Variants in DIP2C observed in about 807,000 individuals in gnomAD.
DIP2C encodes DIP2 acetate--CoA ligase C (putative), also known as disco-interacting protein 2 homolog C.
DIP2C carries 33 observed loss-of-function variants against 192.4 expected under a neutral mutation model. That is an observed-to-expected ratio of 0.17 (90% CI 0.13 to 0.23). DIP2C has a LOEUF of 0.23. Among genes scored for constraint, DIP2C ranks in the 10% least tolerant of loss-of-function variants. DIP2C has a pLI of 1.00. For missense variants in DIP2C, 1,537 were observed against 2,110.1 expected (o/e 0.73, Z 5.32); for synonymous variants, 979 against 864.1 (o/e 1.13, Z -2.33).
chr10:417,578 C>CAG (rs1965727352), intron 6 of DIP2C, among the ~76,000 whole-genome samples: 1 of 152,000 alleles, frequency 6.6e-6, no homozygotes, highest in Non-Finnish European at 1.5e-5. Context: ...GAGGATGTGG[C>CAG]AGTGCGCCTG....
At chr10:502,620 C>T (rs192418018) in intron 1 of DIP2C, among the ~76,000 whole-genome samples, 1 of 152,228 alleles carries the variant, frequency 6.6e-6, no homozygotes, top group Admixed American at 6.5e-5. Context: ...AAAGTCAGTC[C>T]TAGATCCAAT....
chr10:505,521 G>C (rs1588326808), intron 1 of DIP2C, among the ~76,000 whole-genome samples: 1 of 151,972 alleles, frequency 6.6e-6, no homozygotes, highest in South Asian at 2.1e-4. Context: ...TGTGATTCCT[G>C]TGTGCACCTG....
At chr10:676,444 C>T (rs1830880053) in intron 1 of DIP2C, among the ~76,000 whole-genome samples, 1 of 151,360 alleles carries the variant, frequency 6.6e-6, no homozygotes, top group Admixed American at 6.6e-5. Context: ...ATCAAGGGCA[C>T]CCAAAGTGGA....
chr10:398,454 A>G (rs1589702702), intron 10 of DIP2C, among the ~76,000 whole-genome samples: 1 of 152,312 alleles, frequency 6.6e-6, no homozygotes. Context: ...CCAAATGAAC[A>G]TATGTCTTAC....
chr10:483,563 C>A (rs915687607), intron 2 of DIP2C, among the ~76,000 whole-genome samples: 3 of 152,242 alleles, frequency 2.0e-5, no homozygotes, highest in African/African-American at 7.2e-5. Context: ...CCGGGCCGTC[C>A]TTCTCCTGTT....
chr10:517,611 T>G (rs1846443003), intron 1 of DIP2C, among the ~76,000 whole-genome samples: 1 of 152,250 alleles, frequency 6.6e-6, no homozygotes, highest in Non-Finnish European at 1.5e-5. Flanking sequence ...AGGCACCATA[T>G]GGACGCCTTC....
chr10:378,613 GCATA>G (rs559372269), intron 17 of DIP2C, among the ~76,000 whole-genome samples: 171 of 150,046 alleles, frequency 1.1e-3, no homozygotes, highest in Non-Finnish European at 1.6e-3. Context: ...GAACAGACAT[GCATA>G]AAGACACACG....
intron 1 of DIP2C, among the ~76,000 whole-genome samples, chr10:563,645 C>G (rs571176264): frequency 1.1e-4 from 17 of 152,166 alleles, no homozygotes; most frequent in Non-Finnish European, 1.9e-4. Flanking sequence ...TTCTGAGGAG[C>G]ATTTGTTAGC....
intron 1 of DIP2C, among the ~76,000 whole-genome samples, chr10:620,574 G>A (rs1218037806): frequency 6.6e-6 from 1 of 152,200 alleles, no homozygotes; most frequent in African/African-American, 2.4e-5. Context: ...ACCATGAAAA[G>A]AAACCACTAA....
chr10:406,275 G>A (rs1964801084), intron 9 of DIP2C, among the ~76,000 whole-genome samples: 1 of 152,202 alleles, frequency 6.6e-6, no homozygotes, highest in Non-Finnish European at 1.5e-5. Flanking sequence ...TTTACACGTA[G>A]AATTCAGTAG....
chr10:359,645 G>A (rs1589603263), intron 22 of DIP2C, among the ~76,000 whole-genome samples: 2 of 152,274 alleles, frequency 1.3e-5, no homozygotes, highest in African/African-American at 4.8e-5. Context: ...GCTGCCCCGT[G>A]GTGGGAACAA....
chr10:560,660 C>A (rs974752712), intron 1 of DIP2C, among the ~76,000 whole-genome samples: 1 of 152,182 alleles, frequency 6.6e-6, no homozygotes, highest in Non-Finnish European at 1.5e-5. Flanking sequence ...TTAATTACCA[C>A]ACGGGCTATC....
At chr10:362,368 A>T in intron 22 of DIP2C, 122 bp downstream of exon 22, 2 of 1,156,654 alleles carry the variant, frequency 1.7e-6, no homozygotes, top group Non-Finnish European at 2.4e-6. Context: ...TGGGGTAACC[A>T]CTTCTTTCCC....
At chr10:341,532 A>G (rs1369356478) in intron 28 of DIP2C, among the ~76,000 whole-genome samples, 1 of 148,316 alleles carries the variant, frequency 6.7e-6, no homozygotes, top group African/African-American at 2.5e-5. Flanking sequence ...CCGGGACAAT[A>G]CGGGGCTGCA....
intron 1 of DIP2C, among the ~76,000 whole-genome samples, chr10:528,924 G>A (rs534415009): frequency 2.0e-4 from 30 of 152,164 alleles, no homozygotes; most frequent in Non-Finnish European, 4.0e-4. Flanking sequence ...TAAATAACAC[G>A]CAAGAAACAA....
At chr10:617,659 C>T (rs1286359383) in intron 1 of DIP2C, among the ~76,000 whole-genome samples, 6 of 150,542 alleles carry the variant, frequency 4.0e-5, no homozygotes, top group African/African-American at 1.2e-4. Context: ...GATACCACCC[C>T]CCCACCCCCA....
chr10:428,405 G>A (rs114428650), intron 4 of DIP2C, among the ~76,000 whole-genome samples: 285 of 152,232 alleles, frequency 1.9e-3, no homozygotes, highest in African/African-American at 6.0e-3. Flanking sequence ...TGTTTATAAA[G>A]GAGATTTTCA....
intron 3 of DIP2C, among the ~76,000 whole-genome samples, chr10:456,239 C>A (rs544933276): frequency 2.9e-5 from 2 of 69,094 alleles, no homozygotes; most frequent in Non-Finnish European, 6.3e-5. Context: ...GAGGGGAGGC[C>A]GTGAGGAGTA....
At chr10:482,316 GCAGA>G (rs2133527093) in intron 2 of DIP2C, among the ~76,000 whole-genome samples, 1 of 152,310 alleles carries the variant, frequency 6.6e-6, no homozygotes, top group East Asian at 1.9e-4. Flanking sequence ...GGCCTCCGGT[GCAGA>G]CAGTGTAGAG....
Sources: allele counts gnomAD v4.1 joint callset (sites outside exome capture counted in the v4.1 genomes callset), GRCh38; gene constraint gnomAD v4.1.1; transcripts MANE v1.5; gene names NCBI Gene and HGNC (gene_info 2026-07-23, HGNC 2026-07-21).